The following TIPIN variants were observed in gnomAD, a reference collection of about 807,000 sequenced individuals.
The protein encoded by TIPIN is TIMELESS interacting protein, also known as TIMELESS-interacting protein.
TIPIN carries 29 observed loss-of-function variants against 35.6 expected under a neutral mutation model. The ratio of observed to expected loss-of-function variants is 0.82; its 90% CI spans 0.61 to 1.11. TIPIN has a LOEUF of 1.11. TIPIN is among the 50% of genes most tolerant of loss of function. The pLI is 0.00. For synonymous variants in TIPIN, 102 were observed against 121.5 expected, an observed-to-expected ratio of 0.84 and a Z score of 1.06; for missense variants, 296 against 345.4, an observed-to-expected ratio of 0.86 and a Z score of 1.13.
intron 7 of TIPIN, among the ~76,000 whole-genome samples, chr15:66,338,663 A>C (rs550151968): frequency 1.3e-5 from 2 of 151,488 alleles, no homozygotes; most frequent in East Asian, 2.0e-4. Flanking sequence ...AAATACAAAA[A>C]ATTAGCCAGG....
At chr15:66,376,637 C>A (rs1299057384) in intron 1 of TIPIN, among the ~76,000 whole-genome samples, 3 of 151,510 alleles carry the variant, frequency 2.0e-5, no homozygotes, top group African/African-American at 7.3e-5. Flanking sequence ...ATCATGTTGG[C>A]CAGGCTGTCT....
chr15:66,372,127 C>G (rs534618036), intron 1 of TIPIN, among the ~76,000 whole-genome samples: 7 of 152,070 alleles, frequency 4.6e-5, no homozygotes, highest in Non-Finnish European at 1.0e-4. Context: ...AACATACAGA[C>G]AGAAAAGTAC....
Position 66,384,117 on chromosome 15 carries a change from C to T in TIPIN, c.-9+2490G>A, listed in dbSNP as rs1048382751. Among the ~76,000 whole-genome samples the T allele has an allele frequency of 4.0e-5, 6 of 151,640 alleles. No individual in the cohort carries two copies. In the East Asian group the frequency reaches 5.8e-4, roughly 15 times the overall value. On this transcript the variant is annotated intron_variant, in intron 1 of 7. Coordinates refer to the TIPIN transcript ENST00000562124. The stretch of plus-strand genomic sequence containing the variant: ...GTTCACACCATTCTCCTGCCTCAGC[C>T]TCCTGAGTAGCTGGGACTACAGGCA...
chr15:66,379,705 G>A (rs1003876724), intron 1 of TIPIN: 6 of 1,610,390 alleles, frequency 3.7e-6, no homozygotes, highest in South Asian at 2.2e-5. Flanking sequence ...CAAATAGTCC[G>A]AACGGTAGCC....
chr15:66,380,263 C>T (rs906312080), intron 1 of TIPIN, among the ~76,000 whole-genome samples: 18 of 151,642 alleles, frequency 1.2e-4, no homozygotes, highest in Non-Finnish European at 5.9e-5. Flanking sequence ...CCTCGGCCTC[C>T]CAAAGTGCTG....
chr15:66,379,942 T>A, intron 1 of TIPIN: 3 of 1,078,636 alleles, frequency 2.8e-6, no homozygotes, highest in Non-Finnish European at 4.0e-6. Context: ...GCAAAGGACC[T>A]GGAATTTATT....
chr15:66,351,094 T>A (rs2093164788), intron 4 of TIPIN, among the ~76,000 whole-genome samples: 1 of 152,164 alleles, frequency 6.6e-6, no homozygotes, highest in Non-Finnish European at 1.5e-5. Flanking sequence ...GTAAAGTGAT[T>A]CAGTTACTAA....
Position 66,336,938 on chromosome 15 carries a change from C to A in TIPIN, c.*20G>T, listed in dbSNP as rs368509276. ...TTGCAGGACGATGACTTAACAGATA[C>A]ATTTTCTCTTAATGGAAACTTATCT... On this transcript the variant is annotated 3_prime_UTR_variant, in exon 8 of 8. Transcript: ENST00000261881. 51 of 1,599,256 alleles carry A rather than the reference C, an allele frequency of 3.2e-5. No individual in the cohort carries two copies. The African/African-American group carries it at 5.4e-4, about 17-fold the overall frequency.
At chr15:66,377,667 TTTTG>T (rs1255921273) in intron 1 of TIPIN, among the ~76,000 whole-genome samples, 3 of 151,028 alleles carry the variant, frequency 2.0e-5, no homozygotes, top group African/African-American at 7.3e-5. Context: ...CTGGGTTTTT[TTTTG>T]TTTGTTTTGT....
chr15:66,379,374 A>T, intron 1 of TIPIN: 1 of 1,598,390 alleles, frequency 6.3e-7, no homozygotes. Context: ...TTTTTCAGAG[A>T]CATAGATACC....
At chr15:66,352,742 A>G in intron 2 of TIPIN, 73 bp downstream of exon 2, 1 of 1,462,726 alleles carries the variant, frequency 6.8e-7, no homozygotes, top group African/African-American at 1.4e-5. Context: ...CAGCATCCCA[A>G]AGTGCTGGAA....
At chr15:66,379,484 T>C in intron 1 of TIPIN, 1 of 1,608,848 alleles carries the variant, frequency 6.2e-7, no homozygotes, top group Non-Finnish European at 8.5e-7. Flanking sequence ...CTTCAAAGAT[T>C]AATTCATCTT....
At chr15:66,359,005 G>A (rs1008048511), upstream of TIPIN, among the ~76,000 whole-genome samples, 3 of 151,332 alleles carry the variant, frequency 2.0e-5, no homozygotes, top group East Asian at 2.0e-4. Flanking sequence ...ATCACACCAC[G>A]GCACTCCAGC....
At chr15:66,355,027 C>CTT (rs747834289) in intron 1 of TIPIN, among the ~76,000 whole-genome samples, 4,429 of 112,648 alleles carry the variant, frequency 0.039, 199 homozygotes, top group Non-Finnish European at 0.061. Flanking sequence ...CAATATATAT[C>CTT]TTTTTTTTTT....
chr15:66,347,055 A>G (rs2093130974), intron 6 of TIPIN, among the ~76,000 whole-genome samples: 1 of 152,122 alleles, frequency 6.6e-6, no homozygotes, highest in Admixed American at 6.6e-5. Flanking sequence ...TCGGCCTCTC[A>G]AAGTGCTGGG....
In TIPIN at chr15:66,372,959, G is replaced by A. The variant is rs370425030; in HGVS notation, c.-9+13648C>T. On this transcript the variant is annotated intron_variant, in intron 1 of 7. Transcript: ENST00000562124. Reference sequence around the variant, plus strand: ...TTTTAATGTAGCTTTTCTATGTTTAGATACAGAAATATCATTGTGCTGCAA... The same window carrying A: ...TTTTAATGTAGCTTTTCTATGTTTAAATACAGAAATATCATTGTGCTGCAA... Among the ~76,000 whole-genome samples, 5 of 152,194 alleles carry A rather than the reference G, an allele frequency of 3.3e-5. No homozygotes were observed. In the East Asian group the frequency reaches 9.7e-4, roughly 29 times the overall value.
intron 1 of TIPIN, chr15:66,379,493 T>A (rs1371814381): frequency 6.2e-7 from 1 of 1,609,212 alleles, no homozygotes. Context: ...TTAATTCATC[T>A]TTCTGGGCTT....
intron 6 of TIPIN, chr15:66,348,130 C>T (rs1353361820): frequency 1.3e-5 from 2 of 151,556 alleles, no homozygotes; most frequent in Non-Finnish European, 2.9e-5. Flanking sequence ...CGCCTCAACC[C>T]CCTGAGTAGC....
At chr15:66,372,995 T>C (rs763793320) in intron 1 of TIPIN, among the ~76,000 whole-genome samples, 1 of 152,212 alleles carries the variant, frequency 6.6e-6, no homozygotes, top group African/African-American at 2.4e-5. Flanking sequence ...CTGCCTACAC[T>C]ATTCAGTACA....
Sources: allele counts gnomAD v4.1 joint callset (sites outside exome capture counted in the v4.1 genomes callset), GRCh38; gene constraint gnomAD v4.1.1; transcripts MANE v1.5; gene names NCBI Gene and HGNC (gene_info 2026-07-23, HGNC 2026-07-21).